ANKRD11: variants seen among roughly 807,000 people sequenced by gnomAD.
ANKRD11 encodes ankyrin repeat domain 11, also known as ankyrin repeat domain-containing protein 11.
ANKRD11 carries 17 observed loss-of-function variants against 195.7 expected under a neutral mutation model. The ratio of observed to expected loss-of-function variants is 0.09; its 90% CI spans 0.06 to 0.13. The LOEUF (loss-of-function observed/expected upper bound fraction) is 0.13, where lower values mean the gene tolerates loss of function less well. ANKRD11 is among the 10% of genes least tolerant of loss of function. The probability of loss-of-function intolerance (pLI) is 1.00; values close to 1 mark genes in which losing one functional copy is unlikely to be tolerated. For missense variants in ANKRD11, 3,735 were observed against 3,566.1 expected (o/e 1.05, Z -1.21); for synonymous variants, 1,953 against 1,528.1 (o/e 1.28, Z -6.49).
intron 1 of ANKRD11, among the ~76,000 whole-genome samples, chr16:89,476,528 G>A (rs145789532): frequency 6.6e-6 from 1 of 152,172 alleles, no homozygotes; most frequent in Non-Finnish European, 1.5e-5. Flanking sequence ...CAGACCCAAC[G>A]CCTACGCTTG....
chr16:89,268,870 C>A (rs902711863), intron 12 of ANKRD11, among the ~76,000 whole-genome samples: 1 of 152,234 alleles, frequency 6.6e-6, no homozygotes, highest in Non-Finnish European at 1.5e-5. Flanking sequence ...TCCCCATAAC[C>A]GCTGTCTATG....
At chr16:89,375,994 G>A (rs551339419) in intron 2 of ANKRD11, among the ~76,000 whole-genome samples, 53 of 152,198 alleles carry the variant, frequency 3.5e-4, no homozygotes, top group African/African-American at 1.2e-3. Context: ...TTTCAAAATC[G>A]ATAAATCCAG....
Position 89,281,138 on chromosome 16 carries a change from C to T in ANKRD11, c.5404G>A (p.Glu1802Lys). 6.2e-7 allele frequency: 1 copy of T among 1,613,614 alleles called. No homozygotes were observed. The highest frequency in any genetic ancestry group is 8.5e-7 in the Non-Finnish European group (1 of 1,179,514). ...SVDIRRTPEEEFSVGDKLFRQ... is the reference protein window; with the variant it reads ...SVDIRRTPEEKFSVGDKLFRQ... The stretch of plus-strand genomic sequence containing the variant: ...AAGAGCTTGTCTCCGACGCTGAATT[C>T]TTCCTCGGGGGTCCTCCTAATGTCG... Residue 1802 changes from glutamate (E) to lysine (K), a missense_variant, in exon 9 of 13, where the codon GAA (glutamate) becomes AAA (lysine). Glu to Lys is a moderately conservative substitution (Grantham distance 56, BLOSUM62 1). Transcript: ENST00000301030. This position sits in a 1 kb window ranked among gnomAD's most constrained non-coding sequence, Gnocchi z 5.5.
chr16:89,288,429 C>T, intron 7 of ANKRD11, 99 bp downstream of exon 7: 3 of 1,576,144 alleles, frequency 1.9e-6, no homozygotes, highest in Non-Finnish European at 2.6e-6. Flanking sequence ...CTTTCCTGTG[C>T]CCCACATCAT....
chr16:89,417,445 G>T (rs897102956), intron 2 of ANKRD11, among the ~76,000 whole-genome samples: 1 of 152,116 alleles, frequency 6.6e-6, no homozygotes, highest in African/African-American at 2.4e-5. Context: ...CTGGAAGGAG[G>T]GAGGACTCTG....
rs746949282 is a variant in ANKRD11 at position 89,283,775 on chromosome 16, G to C, written c.2767C>G (p.Gln923Glu). ...GGGACACTTTTATGCTTTTCGGTCT[G>C]CTCTTTCCTCTTCTCAGAGTTTTTA... ...LDKNSEKRKE[Q>E]TEKHKSVPGY... Residue 923 changes from glutamine to glutamate, a missense_variant, in exon 9 of 13, where the codon CAG becomes GAG. Coordinates refer to ENST00000301030, the MANE Select transcript of ANKRD11 (RefSeq NM_013275.6). This position sits in a 1 kb window ranked among gnomAD's most constrained non-coding sequence, Gnocchi z 4.3. 1.6e-5 allele frequency: 26 copies of C among 1,613,328 alleles called. No homozygotes were observed. Among genetic ancestry groups the C allele is most frequent in the Non-Finnish European group, 3.4e-6 (4 of 1,179,698 alleles).
chr16:89,387,954 A>C (rs1454684351), intron 2 of ANKRD11, among the ~76,000 whole-genome samples: 1 of 149,660 alleles, frequency 6.7e-6, no homozygotes, highest in Non-Finnish European at 1.5e-5. Context: ...CAGAGGCTGC[A>C]GTGAGCCGAG....
intron 1 of ANKRD11, among the ~76,000 whole-genome samples, chr16:89,423,116 C>G (rs1597359184): frequency 6.6e-6 from 1 of 152,250 alleles, no homozygotes; most frequent in African/African-American, 2.4e-5. Context: ...TCAGGCCCCT[C>G]AGCTCCCTCC....
intron 1 of ANKRD11, among the ~76,000 whole-genome samples, chr16:89,466,672 C>T (rs369384633): frequency 6.6e-6 from 1 of 152,088 alleles, no homozygotes; most frequent in African/African-American, 2.4e-5. Context: ...AATAAACCAA[C>T]ATAGAATTGA....
At chr16:89,349,285 T>G (rs920811034) in intron 2 of ANKRD11, among the ~76,000 whole-genome samples, 3 of 151,664 alleles carry the variant, frequency 2.0e-5, no homozygotes, top group Non-Finnish European at 4.4e-5. Context: ...TCCCAGCACT[T>G]TGGGAGAACA....
rs377695519 is a variant in ANKRD11, at chr16:89,464,607, T to TAAA, written c.-145+25635_-145+25637dup. Among the ~76,000 whole-genome samples the TAAA allele has an allele frequency of 6.7e-4, 78 of 116,390 alleles. 2 individuals are homozygous for TAAA. The South Asian group carries it at 0.013, about 19-fold the overall frequency. 76.4% of individuals were successfully genotyped at this position (116,390 alleles called of 152,430 possible). A position where few individuals can be genotyped will look rare whatever the true frequency, so the allele number is the denominator to read the frequency against. On this transcript the variant is annotated intron_variant, in intron 1 of 12. Coordinates refer to ENST00000301030, the MANE Select transcript of ANKRD11 (RefSeq NM_013275.6). ...TGGGCGACAGAGTGAGACTCCATCTTAAAAAAAAAAAAAAAAGAAAAGAAA... is the reference window on the plus strand; with the variant it reads ...TGGGCGACAGAGTGAGACTCCATCTTAAAAAAAAAAAAAAAAAAAGAAAAGAAA...
At chr16:89,323,407 G>A (rs1440011970) in intron 2 of ANKRD11, 1 of 1,194,046 alleles carries the variant, frequency 8.4e-7, no homozygotes, top group Non-Finnish European at 1.1e-6. Flanking sequence ...AGCAGCCCAG[G>A]GCAGGGGGGC....
At chr16:89,420,615 G>A (rs2042472834) in intron 1 of ANKRD11, among the ~76,000 whole-genome samples, 1 of 152,218 alleles carries the variant, frequency 6.6e-6, no homozygotes, top group African/African-American at 2.4e-5. Flanking sequence ...ATTCTGGTCT[G>A]AAGGTCTTTT....
chr16:89,465,272 A>C (rs1280836257), intron 1 of ANKRD11, among the ~76,000 whole-genome samples: 3 of 152,218 alleles, frequency 2.0e-5, no homozygotes, highest in Non-Finnish European at 2.9e-5. Flanking sequence ...TAACCAATAT[A>C]AAAAAGTCAC....
chr16:89,425,024 G>A (rs940719008), intron 1 of ANKRD11, among the ~76,000 whole-genome samples: 2 of 151,038 alleles, frequency 1.3e-5, no homozygotes, highest in African/African-American at 4.9e-5. Flanking sequence ...GAGACTGGCC[G>A]AAGTGTACAA....
chr16:89,469,959 G>A (rs577461904), intron 1 of ANKRD11, among the ~76,000 whole-genome samples: 5 of 151,138 alleles, frequency 3.3e-5, no homozygotes, highest in East Asian at 2.0e-4. Flanking sequence ...AGGCTGGAGC[G>A]CAGTGGTGCG....
intron 2 of ANKRD11, among the ~76,000 whole-genome samples, chr16:89,347,590 G>A (rs892658803): frequency 7.1e-6 from 1 of 140,456 alleles, no homozygotes; most frequent in Non-Finnish European, 1.5e-5. Context: ...CAGCCTGGGC[G>A]ACAGAGCGAG....
intron 1 of ANKRD11, among the ~76,000 whole-genome samples, chr16:89,420,732 A>G (rs2042477928): frequency 6.6e-6 from 1 of 152,188 alleles, no homozygotes; most frequent in Non-Finnish European, 1.5e-5. Flanking sequence ...GATTTTTCTT[A>G]AGAGACAGGG....
chr16:89,387,881 G>T (rs921666767), intron 2 of ANKRD11, among the ~76,000 whole-genome samples: 4 of 150,744 alleles, frequency 2.7e-5, no homozygotes, highest in African/African-American at 7.3e-5. Context: ...GGTGGGTGGT[G>T]GTCGGGTCTC....
Sources: allele counts gnomAD v4.1 joint callset (sites outside exome capture counted in the v4.1 genomes callset), GRCh38; gene constraint gnomAD v4.1.1; non-coding constraint Gnocchi (gnomAD v3.1); transcripts MANE v1.5; gene names NCBI Gene and HGNC (gene_info 2026-07-23, HGNC 2026-07-21).